PRKN: variants seen among roughly 807,000 people sequenced by gnomAD.
PRKN encodes parkin RBR E3 ubiquitin protein ligase, also known as E3 ubiquitin-protein ligase parkin.
Under a neutral mutation model 59.5 loss-of-function variants are expected in PRKN, and 56 were observed. The observed-to-expected ratio is 0.94, with a 90% CI of 0.76 to 1.18. PRKN has a LOEUF of 1.18. Ranked by LOEUF, PRKN falls within the 50% of genes most tolerant of loss-of-function variation. The probability of loss-of-function intolerance (pLI) is 0.00; values close to 1 mark genes in which losing one functional copy is unlikely to be tolerated. For synonymous variants in PRKN, 250 were observed against 222.1 expected (o/e 1.13, Z -1.12); for missense variants, 657 against 596.4 (o/e 1.10, Z -1.06).
chr6:162,196,886 T>C (rs1267594582), intron 4 of PRKN, among the ~76,000 whole-genome samples: 5 of 152,124 alleles, frequency 3.3e-5, no homozygotes, highest in African/African-American at 1.2e-4. Context: ...AAATCACCAA[T>C]AAAAACTTTA....
chr6:162,670,385 A>C (rs1374269991), intron 1 of PRKN, among the ~76,000 whole-genome samples: 3 of 152,252 alleles, frequency 2.0e-5, no homozygotes, highest in African/African-American at 7.2e-5. Context: ...CTTCACTGGA[A>C]TGTCTCAAAA....
chr6:161,501,993 T>C (rs1196978841), intron 9 of PRKN, among the ~76,000 whole-genome samples: 1 of 152,148 alleles, frequency 6.6e-6, no homozygotes, highest in African/African-American at 2.4e-5. Flanking sequence ...GTGAGTGACA[T>C]GAGAGAGAAA....
Position 161,961,966 on chromosome 6 carries a change from G to A in PRKN, c.734+11336C>T, listed in dbSNP as rs113055007. 1.8e-3 allele frequency among the ~76,000 whole-genome samples: 275 copies of A among 152,162 alleles called. 1 individual carries two copies. Among genetic ancestry groups the A allele is most frequent in the African/African-American group, 6.3e-3 (260 of 41,526 alleles). ...TAGAAACTCTTGAAATTCCACTTCCGGTGCACAGAAGATACAGCACATGAG... is the reference window on the plus strand; with the variant it reads ...TAGAAACTCTTGAAATTCCACTTCCAGTGCACAGAAGATACAGCACATGAG... On this transcript the variant is annotated intron_variant, in intron 6 of 11. Coordinates refer to ENST00000366898, the MANE Select transcript of PRKN (RefSeq NM_004562.3).
intron 9 of PRKN, among the ~76,000 whole-genome samples, chr6:161,476,495 T>C (rs1377749082): frequency 2.0e-5 from 3 of 152,224 alleles, no homozygotes; most frequent in Non-Finnish European, 4.4e-5. Context: ...AAGACACTTT[T>C]CCTTGAGAAA....
intron 2 of PRKN, among the ~76,000 whole-genome samples, chr6:162,320,385 C>CAAAAAAAAAAAAAAAAAAAA (rs1782955414): frequency 7.2e-5 from 2 of 27,780 alleles, no homozygotes; most frequent in Non-Finnish European, 1.9e-4. Context: ...AAAAAAAAAA[C>CAAAAAAAAAAAAAAAAAAAA]CAAGCATTTT....
intron 5 of PRKN, among the ~76,000 whole-genome samples, chr6:162,005,509 T>G (rs1782214389): frequency 6.7e-6 from 1 of 149,336 alleles, no homozygotes; most frequent in South Asian, 2.1e-4. Context: ...TTGCACATGC[T>G]TGCTCTCTCT....
At chr6:161,954,195 A>G (rs1445068578) in intron 6 of PRKN, among the ~76,000 whole-genome samples, 1 of 152,196 alleles carries the variant, frequency 6.6e-6, no homozygotes, top group Non-Finnish European at 1.5e-5. Context: ...CTTCTATAAT[A>G]CATCGAAGCG....
chr6:161,741,400 C>T (rs930499562), intron 7 of PRKN, among the ~76,000 whole-genome samples: 2 of 152,164 alleles, frequency 1.3e-5, no homozygotes, highest in African/African-American at 4.8e-5. Flanking sequence ...GGAAACTGAA[C>T]GGAGTTGACA....
At chr6:162,019,850 C>T (rs1188772500) in intron 5 of PRKN, among the ~76,000 whole-genome samples, 1 of 152,056 alleles carries the variant, frequency 6.6e-6, no homozygotes, top group South Asian at 2.1e-4. Flanking sequence ...GAAACCCTGT[C>T]TCTACTAAAA....
chr6:161,847,165 G>A (rs1275566170), intron 6 of PRKN, among the ~76,000 whole-genome samples: 4 of 152,066 alleles, frequency 2.6e-5, no homozygotes, highest in Admixed American at 1.3e-4. Flanking sequence ...AAAATTAGCC[G>A]GGTGTGGTGG....
chr6:161,916,493 A>T (rs1778563455), intron 6 of PRKN, among the ~76,000 whole-genome samples: 2 of 152,194 alleles, frequency 1.3e-5, no homozygotes, highest in African/African-American at 4.8e-5. Flanking sequence ...ATTTTAGAAG[A>T]TGTCATTAGT....
intron 6 of PRKN, among the ~76,000 whole-genome samples, chr6:161,972,697 A>G (rs1780865800): frequency 6.6e-6 from 1 of 152,210 alleles, no homozygotes; most frequent in South Asian, 2.1e-4. Context: ...CATTTTAAAA[A>G]TAAAATGTAT....
chr6:162,064,597 G>A (rs183497486), intron 4 of PRKN, among the ~76,000 whole-genome samples: 19 of 152,242 alleles, frequency 1.2e-4, no homozygotes, highest in African/African-American at 4.3e-4. Flanking sequence ...TTAAAGTCAA[G>A]GACTGTGTCC....
chr6:162,590,124 T>C (rs1781242569), intron 1 of PRKN, among the ~76,000 whole-genome samples: 1 of 152,232 alleles, frequency 6.6e-6, no homozygotes, highest in Admixed American at 6.5e-5. Flanking sequence ...GCCAGATGTC[T>C]TTATCTTTCT....
Position 161,354,794 on chromosome 6 carries a change from C to G in PRKN, c.1286-4583G>C, listed in dbSNP as rs930256682. 1.3e-5 allele frequency among the ~76,000 whole-genome samples: 2 copies of G among 152,134 alleles called. No homozygotes were observed. The highest frequency in any genetic ancestry group is 6.5e-5 in the Admixed American group (1 of 15,276). ...AGTTTAGGCCATCGCTAATAAGCTTCAAGTCTCAGCTTTTCTGTTTGTAAG... is the reference window on the plus strand; with the variant it reads ...AGTTTAGGCCATCGCTAATAAGCTTGAAGTCTCAGCTTTTCTGTTTGTAAG... On this transcript the variant is annotated intron_variant, in intron 11 of 11. Coordinates refer to ENST00000366898, the MANE Select transcript of PRKN (RefSeq NM_004562.3). This position sits in a 1 kb window ranked among gnomAD's most constrained non-coding sequence, Gnocchi z 6.7.
intron 7 of PRKN, among the ~76,000 whole-genome samples, chr6:161,732,707 T>G (rs1583070351): frequency 6.6e-6 from 1 of 152,356 alleles, no homozygotes; most frequent in South Asian, 2.1e-4. Context: ...CCATCCATGC[T>G]GCTGCAAAGG....
chr6:162,134,704 G>C (rs1423122506), intron 4 of PRKN, among the ~76,000 whole-genome samples: 1 of 152,158 alleles, frequency 6.6e-6, no homozygotes, highest in Non-Finnish European at 1.5e-5. Context: ...CAAAGCCATA[G>C]GTGAAAAGAA....
At chr6:161,813,254 A>G (rs1242124112) in intron 6 of PRKN, among the ~76,000 whole-genome samples, 1 of 152,164 alleles carries the variant, frequency 6.6e-6, no homozygotes, top group Non-Finnish European at 1.5e-5. Flanking sequence ...ATCCTGGTTC[A>G]GCATCCCAGG....
At chr6:161,681,737 C>T (rs934492058) in intron 7 of PRKN, among the ~76,000 whole-genome samples, 1 of 152,192 alleles carries the variant, frequency 6.6e-6, no homozygotes, top group African/African-American at 2.4e-5. Flanking sequence ...GCCGATGACA[C>T]AGCTGTGGTC....
Sources: allele counts gnomAD v4.1 joint callset (sites outside exome capture counted in the v4.1 genomes callset), GRCh38; gene constraint gnomAD v4.1.1; non-coding constraint Gnocchi (gnomAD v3.1); transcripts MANE v1.5; gene names NCBI Gene and HGNC (gene_info 2026-07-23, HGNC 2026-07-21).